Variants in NSD1 observed in about 807,000 individuals in gnomAD.
The protein encoded by NSD1 is histone-lysine N-methyltransferase, H3 lysine-36 specific.
In NSD1, 26 loss-of-function variants were observed where a neutral mutation model predicts 242.7. The observed-to-expected ratio is 0.11, with a 90% CI of 0.08 to 0.15. The LOEUF (loss-of-function observed/expected upper bound fraction) is 0.15. NSD1 is among the 10% of genes least tolerant of loss of function. The pLI is 1.00. For missense variants in NSD1, 2,495 were observed against 3,272.8 expected, an observed-to-expected ratio of 0.76 and a Z score of 5.80; for synonymous variants, 1,106 against 1,178.1, an observed-to-expected ratio of 0.94 and a Z score of 1.25.
At chr5:177,261,396 A>T (rs1195442936) in intron 14 of NSD1, among the ~76,000 whole-genome samples, 1 of 151,940 alleles carries the variant, frequency 6.6e-6, no homozygotes, top group Non-Finnish European at 1.5e-5. Context: ...ATTCATTTTT[A>T]AAATACTTGT....
intron 2 of NSD1, among the ~76,000 whole-genome samples, chr5:177,162,403 T>TTGTC (rs920535610): frequency 2.0e-5 from 3 of 152,062 alleles, no homozygotes; most frequent in African/African-American, 7.2e-5. Context: ...GTTTGTTTGT[T>TTGTC]TGTTTGTTTG....
At chr5:177,280,949 C>A in intron 18 of NSD1, 115 bp downstream of exon 18, 11 of 1,180,204 alleles carry the variant, frequency 9.3e-6, no homozygotes, top group Non-Finnish European at 1.2e-5. Context: ...AATAATTAAC[C>A]TTATTGTTGT....
Position 177,298,398 on chromosome 5 carries a change from A to C in NSD1, c.*2939A>C, listed in dbSNP as rs1352308881. The C allele has an allele frequency of 4.3e-6, 1 of 233,190 alleles. No individual in the cohort carries two copies. Among genetic ancestry groups the C allele is most frequent in the East Asian group, 6.0e-5 (1 of 16,602 alleles). The allele number at this position is 233,190 out of a possible 1,614,324, so 14.4% of individuals were successfully genotyped here. On this transcript the variant is annotated 3_prime_UTR_variant, in exon 23 of 23. Coordinates refer to ENST00000439151, the MANE Select transcript of NSD1 (RefSeq NM_022455.5). ...CCATGGGTAGCTAGAAAGCCAATAC[A>C]TCTAGCCCTGCTAAGTCAGAAAAAG...
At chr5:177,213,516 G>A (rs1002283705) in intron 5 of NSD1, among the ~76,000 whole-genome samples, 1 of 152,030 alleles carries the variant, frequency 6.6e-6, no homozygotes, top group Middle Eastern at 3.2e-3. Context: ...TACCCAGGCT[G>A]GAGTGCCGTG....
chr5:177,204,295 A>G lies in NSD1; in HGVS notation c.1236+3A>G. The stretch of plus-strand genomic sequence containing the variant: ...AAGAAAAAGGATATAGGCATAAGGT[A>G]GGAAACGAAAAAGGCTTTTTATTGA... On this transcript the variant is annotated splice_donor_region_variant and intron_variant, in intron 4 of 22. Transcript: ENST00000439151. 1.2e-6 allele frequency: 2 copies of G among 1,613,226 alleles called. No individual in the cohort carries two copies. Among genetic ancestry groups the G allele is most frequent in the Non-Finnish European group, 1.7e-6 (2 of 1,179,428 alleles).
chr5:177,191,241 A>T (rs1327807760), intron 2 of NSD1, among the ~76,000 whole-genome samples: 1 of 152,136 alleles, frequency 6.6e-6, no homozygotes. Context: ...AAGTGCTGGG[A>T]TTACAGGCAT....
chr5:177,184,630 G>A (rs534782335), intron 2 of NSD1, among the ~76,000 whole-genome samples: 19 of 152,054 alleles, frequency 1.2e-4, no homozygotes, highest in East Asian at 3.9e-4. Context: ...CCAAGCTCAC[G>A]CATCCCTCCC....
chr5:177,272,442 T>C (rs1758017310), intron 16 of NSD1, among the ~76,000 whole-genome samples: 1 of 152,068 alleles, frequency 6.6e-6, no homozygotes, highest in African/African-American at 2.4e-5. Flanking sequence ...TTTAAAGGAT[T>C]GACAGACTTG....
At chr5:177,164,095 G>C (rs972277442) in intron 2 of NSD1, among the ~76,000 whole-genome samples, 2 of 151,614 alleles carry the variant, frequency 1.3e-5, no homozygotes, top group African/African-American at 4.8e-5. Flanking sequence ...TCAATAGAAA[G>C]GCAAGTGTCA....
In NSD1 at chr5:177,273,800, T is replaced by A. The variant is rs1485405123; in HGVS notation, c.5622+16T>A. The stretch of plus-strand genomic sequence containing the variant: ...ACATATAAAGGTGAGGAGAAAATCT[T>A]GGGGGACCTTCTCTAGAAGAGAAAT... On this transcript the variant is annotated intron_variant, in intron 17 of 22. Transcript: ENST00000439151. 1 of 1,526,242 alleles carries A rather than the reference T, an allele frequency of 6.6e-7. No homozygotes were observed. The highest frequency in any genetic ancestry group is 9.1e-7 in the Non-Finnish European group (1 of 1,100,504). The allele number at this position is 1,526,242 out of a possible 1,614,324, so 94.5% of individuals were successfully genotyped here.
At chr5:177,151,451 C>T (rs1239708053) in intron 2 of NSD1, among the ~76,000 whole-genome samples, 1 of 152,078 alleles carries the variant, frequency 6.6e-6, no homozygotes, top group African/African-American at 2.4e-5. Context: ...TGCAATGGCA[C>T]AGTCTCGGCT....
At chr5:177,147,050 G>C (rs955511179) in intron 2 of NSD1, among the ~76,000 whole-genome samples, 1 of 151,418 alleles carries the variant, frequency 6.6e-6, no homozygotes, top group Non-Finnish European at 1.5e-5. Context: ...ATACCATAAG[G>C]ATCCCTGCTG....
intron 15 of NSD1, among the ~76,000 whole-genome samples, chr5:177,268,900 G>T (rs1388209330): frequency 6.6e-6 from 1 of 151,960 alleles, no homozygotes; most frequent in Non-Finnish European, 1.5e-5. Context: ...TTTCCTGTTT[G>T]GACTGTGAAC....
intron 19 of NSD1, among the ~76,000 whole-genome samples, chr5:177,283,133 T>C (rs1213544598): frequency 3.3e-5 from 5 of 152,252 alleles, no homozygotes; most frequent in African/African-American, 9.6e-5. Context: ...TTTGTATTTT[T>C]AGTAGAGACA....
At chr5:177,168,046 C>T (rs949301169) in intron 2 of NSD1, among the ~76,000 whole-genome samples, 2 of 152,192 alleles carry the variant, frequency 1.3e-5, no homozygotes, top group African/African-American at 4.8e-5. Flanking sequence ...CGGGATTCCA[C>T]TGAATCTGTA....
At chr5:177,226,049 T>G (rs2149871597) in intron 5 of NSD1, among the ~76,000 whole-genome samples, 1 of 152,230 alleles carries the variant, frequency 6.6e-6, no homozygotes, top group East Asian at 1.9e-4. Flanking sequence ...TGCCATAGTT[T>G]TTCGTTTTTG....
At chr5:177,231,585 A>G (rs1765060183) in intron 5 of NSD1, among the ~76,000 whole-genome samples, 1 of 151,934 alleles carries the variant, frequency 6.6e-6, no homozygotes. Context: ...ACGCCACTAC[A>G]CAATTTTTTA....
chr5:177,273,312 TAAAAAAA>T (rs11452158), intron 16 of NSD1, among the ~76,000 whole-genome samples: 1 of 90,918 alleles, frequency 1.1e-5, no homozygotes, highest in African/African-American at 4.4e-5. Flanking sequence ...ACTGATGAGC[TAAAAAAA>T]AAAAAAAAAA....
At chr5:177,147,060 G>A (rs1343258458) in intron 2 of NSD1, among the ~76,000 whole-genome samples, 1 of 150,966 alleles carries the variant, frequency 6.6e-6, no homozygotes, top group Non-Finnish European at 1.5e-5. Flanking sequence ...GATCCCTGCT[G>A]TTGCCAGCCG....
Sources: gnomAD v4.1 joint callset for allele counts (sites outside exome capture counted in the v4.1 genomes callset) on GRCh38, gnomAD v4.1.1 for gene constraint, MANE v1.5 for transcripts, NCBI Gene and HGNC (gene_info 2026-07-23, HGNC 2026-07-21) for gene names.